The following CDH9 variants were observed in gnomAD, a reference collection of about 807,000 sequenced individuals.
The protein encoded by CDH9 is cadherin-9.
Under a neutral mutation model 70.9 loss-of-function variants are expected in CDH9, and 28 were observed. That is an observed-to-expected ratio of 0.40 (90% CI 0.29 to 0.54). CDH9 has a LOEUF of 0.54. Among genes scored for constraint, CDH9 ranks in the 20% least tolerant of loss-of-function variants. CDH9 has a pLI of 0.59. For synonymous variants in CDH9, 409 were observed against 343.1 expected, an observed-to-expected ratio of 1.19 and a Z score of -2.12; for missense variants, 874 against 984.4, an observed-to-expected ratio of 0.89 and a Z score of 1.50.
chr5:26,957,462 G>A (rs1348888259), intron 2 of CDH9, among the ~76,000 whole-genome samples: 1 of 152,054 alleles, frequency 6.6e-6, no homozygotes, highest in African/African-American at 2.4e-5. Context: ...AGGAGTTCCA[G>A]ACAAGCCTGG....
intron 1 of CDH9, among the ~76,000 whole-genome samples, chr5:27,000,080 T>C (rs891066192): frequency 7.9e-5 from 12 of 152,162 alleles, no homozygotes; most frequent in African/African-American, 2.9e-4. Flanking sequence ...TAAAACAGTG[T>C]TAAGAGAATG....
intron 1 of CDH9, among the ~76,000 whole-genome samples, chr5:26,993,698 C>CAAAAAAAAAAA (rs34545141): frequency 5.9e-5 from 3 of 51,002 alleles, no homozygotes; most frequent in African/African-American, 1.7e-4. Context: ...TATTCAGCTG[C>CAAAAAAAAAAA]AAAAAAAAAA....
intron 1 of CDH9, among the ~76,000 whole-genome samples, chr5:27,037,512 T>C (rs1579527604): frequency 6.6e-6 from 1 of 151,956 alleles, no homozygotes; most frequent in South Asian, 2.1e-4. Context: ...AATTTCACCC[T>C]GGTAACAGTC....
At chr5:26,970,596 G>A (rs9293256) in intron 2 of CDH9, among the ~76,000 whole-genome samples, 2,499 of 152,080 alleles carry the variant, frequency 0.016, 64 homozygotes, top group African/African-American at 0.056. Flanking sequence ...CCTAAAATAA[G>A]CATAGAAAAT....
Position 26,905,950 on chromosome 5 carries a change from A to T in CDH9, c.811+9T>A, listed in dbSNP as rs1250201883. Reference sequence around the variant, plus strand: ...TTTTTGGACATGAGATCACTGAAACATTTCTTACTCTGGGGAAATCGAGGA... The same window carrying T: ...TTTTTGGACATGAGATCACTGAAACTTTTCTTACTCTGGGGAAATCGAGGA... On this transcript the variant is annotated intron_variant, in intron 5 of 11. Coordinates refer to ENST00000231021, the MANE Select transcript of CDH9 (RefSeq NM_016279.4). 1 of 1,609,990 alleles carries T rather than the reference A, an allele frequency of 6.2e-7. No individual in the cohort carries two copies.
chr5:27,036,324 C>T (rs76626429), intron 1 of CDH9, among the ~76,000 whole-genome samples: 2,608 of 151,960 alleles, frequency 0.017, 31 homozygotes, highest in Non-Finnish European at 0.025. Context: ...TGTAAGGTGA[C>T]GTTCAGATGA....
chr5:26,931,931 A>G (rs571430281), intron 2 of CDH9, among the ~76,000 whole-genome samples: 103 of 152,290 alleles, frequency 6.8e-4, no homozygotes, highest in African/African-American at 2.4e-3. Flanking sequence ...ACCTGTTTCA[A>G]GTTAGAAGGT....
At chr5:27,011,901 G>A (rs1047608470) in intron 1 of CDH9, among the ~76,000 whole-genome samples, 1 of 151,798 alleles carries the variant, frequency 6.6e-6, no homozygotes, top group Admixed American at 6.6e-5. Flanking sequence ...TGTAAAATAA[G>A]ATTTGTTATA....
chr5:26,952,423 G>C (rs1204608416), intron 2 of CDH9, among the ~76,000 whole-genome samples: 4 of 118,076 alleles, frequency 3.4e-5, no homozygotes, highest in Admixed American at 2.1e-4. Flanking sequence ...GACCATCCTG[G>C]CTAACACGGT....
chr5:27,026,243 G>A (rs1579520482), intron 1 of CDH9, among the ~76,000 whole-genome samples: 1 of 151,900 alleles, frequency 6.6e-6, no homozygotes, highest in Non-Finnish European at 1.5e-5. Context: ...CTTATTATAT[G>A]TTTATAATTG....
chr5:26,979,271 C>T (rs1270438883), intron 2 of CDH9, among the ~76,000 whole-genome samples: 1 of 151,122 alleles, frequency 6.6e-6, no homozygotes, highest in Non-Finnish European at 1.5e-5. Context: ...GTATTATATG[C>T]TAAAATATAC....
intron 2 of CDH9, among the ~76,000 whole-genome samples, chr5:26,963,854 A>G (rs1378846806): frequency 6.6e-6 from 1 of 152,136 alleles, no homozygotes; most frequent in South Asian, 2.1e-4. Context: ...ATTGGAATGT[A>G]TAGGTTAATA....
rs375653441 is a variant in CDH9, at chr5:26,906,849, C to A, written c.524-11G>T. On this transcript the variant is annotated splice_polypyrimidine_tract_variant and intron_variant, in intron 3 of 11. Coordinates refer to ENST00000231021, the MANE Select transcript of CDH9 (RefSeq NM_016279.4). ...GTATAACAGATGTACCTACATGAAA[C>A]CCCCATCCCCAAACAGAGACATTTA... is the stretch of plus-strand genomic sequence containing the variant. 1.3e-6 allele frequency: 2 copies of A among 1,591,788 alleles called. No homozygotes were observed. The highest frequency in any genetic ancestry group is 1.1e-5 in the South Asian group (1 of 87,672).
intron 1 of CDH9, among the ~76,000 whole-genome samples, chr5:27,014,095 C>T (rs1314607862): frequency 6.6e-6 from 1 of 151,962 alleles, no homozygotes; most frequent in Non-Finnish European, 1.5e-5. Flanking sequence ...GGCCACTGTA[C>T]ATCTCAAATA....
chr5:26,972,409 C>T (rs926861844), intron 2 of CDH9, among the ~76,000 whole-genome samples: 1 of 152,156 alleles, frequency 6.6e-6, no homozygotes, highest in Non-Finnish European at 1.5e-5. Flanking sequence ...TTTTCTTATA[C>T]AGTTGTCCCT....
chr5:26,927,629 G>C (rs1318398205), intron 2 of CDH9, among the ~76,000 whole-genome samples: 6 of 151,944 alleles, frequency 3.9e-5, no homozygotes, highest in African/African-American at 1.4e-4. Context: ...CAGCTACTGA[G>C]AACTATGTCT....
At chr5:26,919,972 T>C (rs541279862) in intron 2 of CDH9, among the ~76,000 whole-genome samples, 1 of 152,084 alleles carries the variant, frequency 6.6e-6, no homozygotes, top group East Asian at 2.0e-4. Context: ...TTCCCAGCTG[T>C]GGTGGTCGTG....
intron 2 of CDH9, among the ~76,000 whole-genome samples, chr5:26,954,649 G>T (rs1741914410): frequency 6.6e-6 from 1 of 151,896 alleles, no homozygotes; most frequent in African/African-American, 2.4e-5. Context: ...CTCCTAAAGT[G>T]CAGGGATTAC....
At chr5:26,934,001 G>A (rs1741515925) in intron 2 of CDH9, among the ~76,000 whole-genome samples, 1 of 151,996 alleles carries the variant, frequency 6.6e-6, no homozygotes, top group Non-Finnish European at 1.5e-5. Flanking sequence ...AGTTCTTCAG[G>A]TTGTATAAGA....
Sources: gnomAD v4.1 joint callset for allele counts (sites outside exome capture counted in the v4.1 genomes callset) on GRCh38, gnomAD v4.1.1 for gene constraint, MANE v1.5 for transcripts, NCBI Gene and HGNC (gene_info 2026-07-23, HGNC 2026-07-21) for gene names.